The following FOXP2 variants were observed in gnomAD, a reference collection of about 807,000 sequenced individuals.
The protein encoded by FOXP2 is forkhead box P2.
A neutral mutation model predicts 115.8 loss-of-function variants in FOXP2; 12 were observed. The observed-to-expected ratio is 0.10, with a 90% confidence interval of 0.07 to 0.17. FOXP2 has a LOEUF of 0.17. Ranked by LOEUF, FOXP2 falls within the 10% of genes least tolerant of loss-of-function variation. FOXP2 has a pLI of 1.00. For synonymous variants in FOXP2, 328 were observed against 297.7 expected (o/e 1.10, Z -1.05); for missense variants, 629 against 843.5 (o/e 0.75, Z 3.15).
chr7:114,566,288 C>T (rs1191701862), intron 3 of FOXP2, among the ~76,000 whole-genome samples: 2 of 151,980 alleles, frequency 1.3e-5, no homozygotes, highest in East Asian at 3.9e-4. Context: ...AAATGTAGAC[C>T]ACTCCTATAG....
At chr7:114,675,249 A>T (rs1208315831) in intron 16 of FOXP2, among the ~76,000 whole-genome samples, 1 of 152,014 alleles carries the variant, frequency 6.6e-6, no homozygotes, top group African/African-American at 2.4e-5. Context: ...CATAATTTCC[A>T]TTTTTATATA....
intron 3 of FOXP2, among the ~76,000 whole-genome samples, chr7:114,550,342 C>G (rs565655611): frequency 6.6e-6 from 1 of 151,672 alleles, no homozygotes; most frequent in African/African-American, 2.4e-5. Context: ...GGTCTCGATC[C>G]CTTGACCTCG....
intron 2 of FOXP2, among the ~76,000 whole-genome samples, chr7:114,483,106 C>T (rs1004697299): frequency 6.6e-6 from 1 of 151,546 alleles, no homozygotes; most frequent in African/African-American, 2.4e-5. Context: ...TCATTTATTC[C>T]TGTTTCTTTT....
chr7:114,539,625 T>C (rs926789232), intron 3 of FOXP2, among the ~76,000 whole-genome samples: 2 of 152,056 alleles, frequency 1.3e-5, no homozygotes, highest in African/African-American at 4.8e-5. Context: ...GGCTCTTATT[T>C]TCCCATTCCA....
At chr7:114,642,157 A>T (rs146766560) in intron 6 of FOXP2, among the ~76,000 whole-genome samples, 3 of 152,078 alleles carry the variant, frequency 2.0e-5, no homozygotes, top group African/African-American at 7.2e-5. Flanking sequence ...AATGCTTGAT[A>T]TTATTCTCAG....
chr7:114,183,072 T>G lies in FOXP2; in HGVS notation c.-102+19984T>G, dbSNP rs547418603. Among the ~76,000 whole-genome samples, 21 of 151,698 alleles carry G rather than the reference T, an allele frequency of 1.4e-4. 1 individual carries two copies. The South Asian group carries it at 4.4e-3, about 32-fold the overall frequency. On this transcript the variant is annotated intron_variant, in intron 1 of 17. Coordinates refer to the FOXP2 transcript ENST00000634411. The stretch of plus-strand genomic sequence containing the variant: ...GCAGGGATCATCAGAATTGAGGGGG[T>G]GGTGGTAGAGGTCTGTATCACAAAA...
chr7:114,379,234 T>A (rs1412157591), intron 2 of FOXP2, among the ~76,000 whole-genome samples: 3 of 152,158 alleles, frequency 2.0e-5, no homozygotes, highest in African/African-American at 7.2e-5. Context: ...TCTCAGGCAA[T>A]AGATGATTGG....
At chr7:114,149,544 G>A (rs1792473456) in intron 1 of FOXP2, among the ~76,000 whole-genome samples, 1 of 151,940 alleles carries the variant, frequency 6.6e-6, no homozygotes, top group South Asian at 2.1e-4. Context: ...AACATCAGCA[G>A]CACTAGCCCT....
chr7:114,153,122 G>A (rs1792569744), intron 1 of FOXP2, among the ~76,000 whole-genome samples: 1 of 152,096 alleles, frequency 6.6e-6, no homozygotes, highest in Non-Finnish European at 1.5e-5. Context: ...TTAGATTTGT[G>A]AATTATTGTC....
At chr7:114,686,064 T>C (rs976294872) in intron 16 of FOXP2, among the ~76,000 whole-genome samples, 3 of 152,146 alleles carry the variant, frequency 2.0e-5, no homozygotes, top group Non-Finnish European at 4.4e-5. Context: ...TTAAACTTTT[T>C]GCCCCATCTA....
intron 1 of FOXP2, among the ~76,000 whole-genome samples, chr7:114,257,451 C>CTTTTTTTTTT (rs35852445): frequency 3.3e-5 from 3 of 92,190 alleles, no homozygotes; most frequent in South Asian, 3.4e-4. Context: ...TCTTTTCTTT[C>CTTTTTTTTTT]TTTTTTTTTT....
intron 2 of FOXP2, among the ~76,000 whole-genome samples, chr7:114,526,006 G>A (rs1798838620): frequency 6.6e-6 from 1 of 151,812 alleles, no homozygotes; most frequent in Admixed American, 6.6e-5. Context: ...CAGCTACTTG[G>A]GAGGCTGAGG....
intron 1 of FOXP2, among the ~76,000 whole-genome samples, chr7:114,194,350 T>A (rs1009948855): frequency 6.6e-6 from 1 of 152,070 alleles, no homozygotes; most frequent in African/African-American, 2.4e-5. Flanking sequence ...AATTTTTAAA[T>A]CCTTTACCCT....
At chr7:114,306,250 A>C (rs1213925469) in intron 2 of FOXP2, among the ~76,000 whole-genome samples, 1 of 152,100 alleles carries the variant, frequency 6.6e-6, no homozygotes, top group African/African-American at 2.4e-5. Flanking sequence ...GAGCGAAAGG[A>C]CTATTAATTA....
intron 2 of FOXP2, among the ~76,000 whole-genome samples, chr7:114,480,739 G>T (rs942819224): frequency 2.0e-5 from 3 of 149,880 alleles, no homozygotes; most frequent in African/African-American, 7.3e-5. Context: ...ACGTATATAT[G>T]TGTATGTATG....
At chr7:114,125,031 T>C (rs1464518659) in intron 1 of FOXP2, among the ~76,000 whole-genome samples, 1 of 152,120 alleles carries the variant, frequency 6.6e-6, no homozygotes, top group Non-Finnish European at 1.5e-5. Flanking sequence ...CAAACCCAGG[T>C]CTAATCCCTA....
chr7:114,492,835 T>C (rs1797129208), intron 2 of FOXP2, among the ~76,000 whole-genome samples: 3 of 152,178 alleles, frequency 2.0e-5, no homozygotes, highest in Admixed American at 2.0e-4. Flanking sequence ...CTTCCAACTA[T>C]GTGGTCAGTT....
At chr7:114,681,362 G>T (rs1808073276) in intron 16 of FOXP2, among the ~76,000 whole-genome samples, 1 of 152,036 alleles carries the variant, frequency 6.6e-6, no homozygotes, top group African/African-American at 2.4e-5. Flanking sequence ...TATATATATT[G>T]CTACATCTCT....
intron 1 of FOXP2, among the ~76,000 whole-genome samples, chr7:114,152,658 T>C (rs1792557692): frequency 6.6e-6 from 1 of 152,190 alleles, no homozygotes; most frequent in Non-Finnish European, 1.5e-5. Flanking sequence ...TTCTGTTGTG[T>C]AGTCAAGGGA....
Sources: gnomAD v4.1 joint callset for allele counts (sites outside exome capture counted in the v4.1 genomes callset) on GRCh38, gnomAD v4.1.1 for gene constraint, MANE v1.5 for transcripts, NCBI Gene and HGNC (gene_info 2026-07-23, HGNC 2026-07-21) for gene names.